Variants in SEL1L observed in about 807,000 individuals in gnomAD.
The protein encoded by SEL1L is protein sel-1 homolog 1.
Under a neutral mutation model 109.8 loss-of-function variants are expected in SEL1L, and 52 were observed. The observed-to-expected ratio is 0.47, with a 90% confidence interval of 0.38 to 0.60. The LOEUF is 0.60. Among genes scored for constraint, SEL1L ranks in the 20% least tolerant of loss-of-function variants. The pLI is 0.00. For synonymous variants in SEL1L, 373 were observed against 339.6 expected (o/e 1.10, Z -1.08); for missense variants, 749 against 962.2 (o/e 0.78, Z 2.93).
Position 81,528,834 on chromosome 14 carries a change from T to C in SEL1L, c.71-1096A>G, listed in dbSNP as rs1329480182. On this transcript the variant is annotated intron_variant, in intron 1 of 20. Transcript: ENST00000336735. ...CTATATCCTAAATATCATTTGTAAT[T>C]TGCAACTCTAAAATATAACAAAAAA... is the stretch of plus-strand genomic sequence containing the variant. Among the ~76,000 whole-genome samples the C allele has an allele frequency of 5.9e-5, 9 of 152,254 alleles. No homozygotes were observed. In the South Asian group the frequency reaches 1.9e-3, roughly 32 times the overall value.
intron 20 of SEL1L, among the ~76,000 whole-genome samples, chr14:81,477,744 T>TGG (rs1349772067): frequency 6.6e-6 from 1 of 151,684 alleles, no homozygotes; most frequent in Non-Finnish European, 1.5e-5. Context: ...ACCCAGGAGG[T>TGG]GGAGGTTGCG....
intron 3 of SEL1L, among the ~76,000 whole-genome samples, chr14:81,512,638 T>A (rs1884532807): frequency 6.6e-6 from 1 of 152,246 alleles, no homozygotes; most frequent in Non-Finnish European, 1.5e-5. Context: ...GAGTCTCTGA[T>A]GGCACAAGTC....
At chr14:81,488,066 A>C (rs1392607410) in intron 14 of SEL1L, 124 bp from the exon 15 acceptor site, 2 of 657,630 alleles carry the variant, frequency 3.0e-6, no homozygotes, top group Admixed American at 2.9e-5. Context: ...CATTAAAAAG[A>C]CCACTTTCTA....
intron 3 of SEL1L, among the ~76,000 whole-genome samples, chr14:81,512,911 C>T (rs542311352): frequency 9.9e-5 from 15 of 152,260 alleles, no homozygotes; most frequent in African/African-American, 2.6e-4. Flanking sequence ...TTTGAAAGAC[C>T]GCTTATCATG....
intron 5 of SEL1L, among the ~76,000 whole-genome samples, chr14:81,503,611 G>A (rs189514144): frequency 1.6e-4 from 24 of 152,024 alleles, no homozygotes; most frequent in Non-Finnish European, 3.2e-4. Context: ...CTAATATCTT[G>A]AAATAGTCTA....
In SEL1L at chr14:81,485,451, G is replaced by GA. The variant is rs1555412856; in HGVS notation, c.1873+220_1873+221insT. On this transcript the variant is annotated intron_variant, in intron 18 of 20. Coordinates refer to ENST00000336735, the MANE Select transcript of SEL1L (RefSeq NM_005065.6). ...CCACCATGCCCAGCTAATTTTTTTT[G>GA]TTTTTTTTTTTTTTAGTAGAGACAG... Among the ~76,000 whole-genome samples the GA allele has an allele frequency of 2.9e-5, 4 of 138,838 alleles. No individual in the cohort carries two copies. The East Asian group carries it at 8.4e-4, about 29-fold the overall frequency. 91.1% of individuals were successfully genotyped at this position (138,838 alleles called of 152,430 possible).
At chr14:81,508,474 G>A (rs569218742) in intron 3 of SEL1L, among the ~76,000 whole-genome samples, 79 of 152,074 alleles carry the variant, frequency 5.2e-4, no homozygotes, top group African/African-American at 1.5e-3. Context: ...AGCCAGGCAC[G>A]GTGGCTCACG....
intron 18 of SEL1L, among the ~76,000 whole-genome samples, chr14:81,484,868 G>T (rs1256919351): frequency 6.6e-6 from 1 of 152,154 alleles, no homozygotes; most frequent in African/African-American, 2.4e-5. Context: ...TCAGATAAGG[G>T]ATACTCAACC....
chr14:81,482,562 T>C (rs578207014), intron 19 of SEL1L, among the ~76,000 whole-genome samples: 177 of 152,226 alleles, frequency 1.2e-3, no homozygotes, highest in Middle Eastern at 0.01. Flanking sequence ...TAAGTCTAAT[T>C]TGGGACACTG....
At chr14:81,498,668 C>A (rs1883881634) in intron 8 of SEL1L, 174 bp from the exon 9 acceptor site, 6 of 542,730 alleles carry the variant, frequency 1.1e-5, no homozygotes, top group Non-Finnish European at 2.0e-5. Context: ...GCAACTTCAA[C>A]AAGAAGGCCA....
At chr14:81,499,148 T>C in intron 8 of SEL1L, 2 of 1,073,992 alleles carry the variant, frequency 1.9e-6, no homozygotes, top group Non-Finnish European at 2.3e-6. Flanking sequence ...TATGATAATC[T>C]AATGTAAAAA....
chr14:81,498,512 G>T lies in SEL1L; in HGVS notation c.892-18C>A. 15 of 1,593,288 alleles carry T rather than the reference G, an allele frequency of 9.4e-6. No homozygotes were observed. Among genetic ancestry groups the T allele is most frequent in the Admixed American group, 1.7e-5 (1 of 59,244 alleles). ...CTGTAACCCTGTAAAACAACTTCAC[G>T]TGAGGAGGCAGCAGTTTCATGTACT... On this transcript the variant is annotated intron_variant, in intron 8 of 20. Transcript: ENST00000336735.
At chr14:81,521,490 C>T (rs910505894) in intron 3 of SEL1L, among the ~76,000 whole-genome samples, 1 of 152,160 alleles carries the variant, frequency 6.6e-6, no homozygotes, top group Non-Finnish European at 1.5e-5. Flanking sequence ...TCATGTGACA[C>T]ATCATAACTT....
rs1483148978 is a variant in SEL1L at position 81,526,850 on chromosome 14, C to T, written c.223G>A (p.Glu75Lys). ...TCTTGGCTCTTGAGGCTGTCTTCCT[C>T]TTCTTGAATAGAGGATTCTAATTCA... ...ESELESSIQE[E>K]EDSLKSQEGE... Residue 75 changes from glutamate to lysine, a missense_variant, in exon 3 of 21, where the codon GAG becomes AAG. Transcript: ENST00000336735. 1.9e-6 allele frequency: 3 copies of T among 1,602,646 alleles called. No homozygotes were observed. Among genetic ancestry groups the T allele is most frequent in the African/African-American group, 2.7e-5 (2 of 74,066 alleles).
chr14:81,477,966 G>T (rs12434541), intron 20 of SEL1L, among the ~76,000 whole-genome samples: 24,670 of 152,168 alleles, frequency 0.16, 2,299 homozygotes, highest in Middle Eastern at 0.21. Context: ...GAAAATAGCA[G>T]GAATTCAAAC....
rs1197859848 is a variant in SEL1L at position 81,533,764 on chromosome 14, C to T, written c.-20G>A. On this transcript the variant is annotated 5_prime_UTR_variant, in exon 1 of 21. Coordinates refer to ENST00000336735, the MANE Select transcript of SEL1L (RefSeq NM_005065.6). ...CCGCATCCTCCTCTCGGGGCCGGTG[C>T]CAACCCCTAGAGCTGTCGCCTTCGC... 2 of 1,611,028 alleles carry T rather than the reference C, an allele frequency of 1.2e-6. No individual in the cohort carries two copies. Among genetic ancestry groups the T allele is most frequent in the Non-Finnish European group, 1.7e-6 (2 of 1,178,830 alleles).
At position 81,493,307 on chromosome 14, in the gene SEL1L, C is replaced by T. The variant is rs369319036; in HGVS notation, c.1186-759G>A. 2.2e-3 allele frequency among the ~76,000 whole-genome samples: 330 copies of T among 152,094 alleles called. 2 individuals carry two copies. The Middle Eastern group carries it at 0.037, about 17-fold the overall frequency. Reference sequence around the variant, plus strand: ...GGCGAATCACTTGAGGTCAGGAGTTCGAGACCAGCCTGGCCAATATAGTGA... The same window carrying T: ...GGCGAATCACTTGAGGTCAGGAGTTTGAGACCAGCCTGGCCAATATAGTGA... On this transcript the variant is annotated intron_variant, in intron 11 of 20. Coordinates refer to ENST00000336735, the MANE Select transcript of SEL1L (RefSeq NM_005065.6).
At position 81,489,249 on chromosome 14, in the gene SEL1L, T is replaced by C; in HGVS notation, c.1395+3A>G. 1 of 1,613,352 alleles carries C rather than the reference T, an allele frequency of 6.2e-7. No individual in the cohort carries two copies. On this transcript the variant is annotated splice_donor_region_variant and intron_variant, in intron 14 of 20. Transcript: ENST00000336735. ...AAGAGAGAATGTCAGACTGAACACTTACAACTTGAACTCCTCTCCCATAGA... is the reference window on the plus strand; with the variant it reads ...AAGAGAGAATGTCAGACTGAACACTCACAACTTGAACTCCTCTCCCATAGA...
At chr14:81,501,013 C>A (rs964907329) in intron 6 of SEL1L, among the ~76,000 whole-genome samples, 1 of 152,168 alleles carries the variant, frequency 6.6e-6, no homozygotes, top group African/African-American at 2.4e-5. Flanking sequence ...TCTACGTTTT[C>A]CAGCCTCTCC....
Sources: allele counts gnomAD v4.1 joint callset (sites outside exome capture counted in the v4.1 genomes callset), GRCh38; gene constraint gnomAD v4.1.1; transcripts MANE v1.5; gene names NCBI Gene and HGNC (gene_info 2026-07-23, HGNC 2026-07-21).